Variants in ZBTB38 observed in about 807,000 individuals in gnomAD.
The protein encoded by ZBTB38 is zinc finger and BTB domain containing 38, also known as zinc finger and BTB domain-containing protein 38.
A neutral mutation model predicts 76.8 loss-of-function variants in ZBTB38; 20 were observed. That is an observed-to-expected ratio of 0.26 (90% CI 0.18 to 0.38). ZBTB38 has a LOEUF of 0.38. Ranked by LOEUF, ZBTB38 falls within the 10% of genes least tolerant of loss-of-function variation. The pLI is 1.00. For synonymous variants in ZBTB38, 504 were observed against 544.2 expected (o/e 0.93, Z 1.03); for missense variants, 1,082 against 1,482.3 (o/e 0.73, Z 4.43).
intron 1 of ZBTB38, among the ~76,000 whole-genome samples, chr3:141,331,553 T>G (rs1942853153): frequency 1.3e-5 from 2 of 152,242 alleles, no homozygotes; most frequent in Non-Finnish European, 2.9e-5. Flanking sequence ...TTTTTTGTTT[T>G]TTTTTTATTG....
chr3:141,430,914 A>G (rs2077354407), intron 5 of ZBTB38, among the ~76,000 whole-genome samples: 1 of 152,142 alleles, frequency 6.6e-6, no homozygotes, highest in Non-Finnish European at 1.5e-5. Flanking sequence ...TTTTGAAACC[A>G]ATTCTTGATA....
chr3:141,342,259 A>C (rs1943219632), intron 1 of ZBTB38, among the ~76,000 whole-genome samples: 2 of 152,102 alleles, frequency 1.3e-5, no homozygotes, highest in South Asian at 2.1e-4. Context: ...CGGGAGGCAG[A>C]GGTTGCAGTG....
intron 5 of ZBTB38, among the ~76,000 whole-genome samples, chr3:141,435,271 T>G (rs1226677708): frequency 1.3e-5 from 2 of 152,228 alleles, no homozygotes; most frequent in African/African-American, 4.8e-5. Flanking sequence ...TGTATACCTA[T>G]TTCCCTGGCA....
chr3:141,393,856 A>T (rs1053826608), intron 4 of ZBTB38, among the ~76,000 whole-genome samples: 2 of 152,130 alleles, frequency 1.3e-5, no homozygotes, highest in Non-Finnish European at 2.9e-5. Flanking sequence ...GGGTGCTATG[A>T]TGTACTCTCT....
intron 1 of ZBTB38, among the ~76,000 whole-genome samples, chr3:141,359,860 G>A (rs1943769143): frequency 6.6e-6 from 1 of 152,130 alleles, no homozygotes; most frequent in African/African-American, 2.4e-5. Flanking sequence ...GAGCCCTGAA[G>A]GTTGAGGTTG....
Position 141,369,935 on chromosome 3 carries a change from A to G in ZBTB38, c.-246A>G, listed in dbSNP as rs971079547. 2.6e-5 allele frequency: 4 copies of G among 152,200 alleles called. No homozygotes were observed. Among genetic ancestry groups the G allele is most frequent in the African/African-American group, 9.7e-5 (4 of 41,436 alleles). The allele number at this position is 152,200 out of a possible 1,614,324, so 9.4% of individuals were successfully genotyped here. A position where few individuals can be genotyped will look rare whatever the true frequency, so the allele number is the denominator to read the frequency against. On this transcript the variant is annotated 5_prime_UTR_variant, in exon 2 of 6. It removes the in-frame stop codon of an upstream open reading frame in the 5' UTR. Transcript: ENST00000321464. ...CTGGCTCTAAGATCTGAATGTTGTG[A>G]CCACTAATTTGGTAAGTGTCATTTG...
intron 4 of ZBTB38, among the ~76,000 whole-genome samples, chr3:141,392,324 G>C (rs546986414): frequency 1.8e-4 from 27 of 152,292 alleles, no homozygotes; most frequent in Admixed American, 6.5e-4. Context: ...TTACTTCTTT[G>C]AGCATTTGTT....
At chr3:141,420,002 TGCAAATGGTACAAG>T (rs2075000711) in intron 5 of ZBTB38, among the ~76,000 whole-genome samples, 1 of 152,130 alleles carries the variant, frequency 6.6e-6, no homozygotes, top group Admixed American at 6.5e-5. Context: ...AAAAGTGATT[TGCAAATGGTACAAG>T]GCTACACAGG....
intron 1 of ZBTB38, among the ~76,000 whole-genome samples, chr3:141,339,319 G>C (rs2148900238): frequency 6.6e-6 from 1 of 152,318 alleles, no homozygotes; most frequent in Admixed American, 6.5e-5. Flanking sequence ...AACTCCACGG[G>C]TTGATTCTGA....
In ZBTB38 at chr3:141,442,998, G is replaced by A; in HGVS notation, c.610G>A (p.Glu204Lys). The change falls in exon 6 of 6, where the codon GAG (glutamate) becomes AAG (lysine). Residue 204 changes from glutamate to lysine, a missense_variant. Glu to Lys is a moderately conservative substitution (Grantham distance 56). This residue lies in a region of ZBTB38 where 324 missense variants were observed against 359.1 expected (regional missense o/e 0.90). Coordinates refer to ENST00000321464, the MANE Select transcript of ZBTB38 (RefSeq NM_001376113.1). This position sits in a 1 kb window ranked among gnomAD's most constrained non-coding sequence, Gnocchi z 6.4. ...CATGAGAACAGCTAGCCTTTGCCTG[G>A]AGAGGACGGACGTCTGCCACGAGGC... ...DSMRTASLCL[E>K]RTDVCHEAEP... 1 of 1,614,236 alleles carries A rather than the reference G, an allele frequency of 6.2e-7. No homozygotes were observed. The highest frequency in any genetic ancestry group is 8.5e-7 in the Non-Finnish European group (1 of 1,180,034).
At chr3:141,372,100 G>T (rs533407804) in intron 2 of ZBTB38, among the ~76,000 whole-genome samples, 1 of 152,190 alleles carries the variant, frequency 6.6e-6, no homozygotes, top group South Asian at 2.1e-4. Context: ...GGGGATACCT[G>T]TTACTGGCCA....
intron 5 of ZBTB38, among the ~76,000 whole-genome samples, chr3:141,422,377 A>G (rs1284299274): frequency 6.6e-6 from 1 of 152,194 alleles, no homozygotes; most frequent in Admixed American, 6.5e-5. Context: ...CTCTCAGAGC[A>G]TAAGTCACCT....
chr3:141,445,827 C>A lies in ZBTB38; in HGVS notation c.3439C>A (p.His1147Asn). The A allele has an allele frequency of 6.2e-7, 1 of 1,614,124 alleles. No homozygotes were observed. Among genetic ancestry groups the A allele is most frequent in the Non-Finnish European group, 8.5e-7 (1 of 1,180,036 alleles). ...AAALGMHQKKHLFKSPSQQEK... is the reference protein window; with the variant it reads ...AAALGMHQKKNLFKSPSQQEK... ...TGCCCTTGGAATGCACCAAAAGAAA[C>A]ACTTATTCAAAAGCCCAAGTCAGCA... Residue 1147 changes from histidine (H) to asparagine (N), a missense_variant, in exon 6 of 6, where the codon CAC becomes AAC. This residue lies in a region of ZBTB38 where 69 missense variants were observed against 148.2 expected (regional missense o/e 0.47). Transcript: ENST00000321464. This position sits in a 1 kb window ranked among gnomAD's most constrained non-coding sequence, Gnocchi z 6.5.
rs1015663394 is a variant in ZBTB38 at position 141,369,947 on chromosome 3, G to C, written c.-235+1G>C. ...TCTGAATGTTGTGACCACTAATTTG[G>C]TAAGTGTCATTTGTCCCCAACAGCT... On this transcript the variant is annotated splice_donor_variant, in intron 2 of 5. Coordinates refer to ENST00000321464, the MANE Select transcript of ZBTB38 (RefSeq NM_001376113.1). LOFTEE classifies it low-confidence loss of function (5UTR_SPLICE). 1 of 152,158 alleles carries C rather than the reference G, an allele frequency of 6.6e-6. No homozygotes were observed. Among genetic ancestry groups the C allele is most frequent in the African/African-American group, 2.4e-5 (1 of 41,424 alleles). The allele number at this position is 152,158 out of a possible 1,614,324, so 9.4% of individuals were successfully genotyped here.
chr3:141,349,736 A>T (rs1943465956), intron 1 of ZBTB38, among the ~76,000 whole-genome samples: 1 of 152,290 alleles, frequency 6.6e-6, no homozygotes, highest in East Asian at 1.9e-4. Flanking sequence ...TCTCAAAAAA[A>T]TAAATAAAAA....
At chr3:141,373,118 C>G (rs567958866) in intron 2 of ZBTB38, among the ~76,000 whole-genome samples, 1 of 152,286 alleles carries the variant, frequency 6.6e-6, no homozygotes, top group East Asian at 1.9e-4. Context: ...GCTGAGTGAC[C>G]TCACAGACAA....
chr3:141,409,482 CAG>C (rs1474996672), intron 5 of ZBTB38, among the ~76,000 whole-genome samples: 1 of 152,190 alleles, frequency 6.6e-6, no homozygotes, highest in Non-Finnish European at 1.5e-5. Context: ...CTGAGAGGCT[CAG>C]AGATCCTCAT....
intron 3 of ZBTB38, among the ~76,000 whole-genome samples, chr3:141,384,040 T>C (rs929181624): frequency 6.6e-6 from 1 of 152,276 alleles, no homozygotes; most frequent in African/African-American, 2.4e-5. Flanking sequence ...TGAGAATGTC[T>C]GCCTAAACAA....
intron 5 of ZBTB38, among the ~76,000 whole-genome samples, chr3:141,411,809 A>G (rs1956762928): frequency 6.6e-6 from 1 of 152,162 alleles, no homozygotes; most frequent in African/African-American, 2.4e-5. Context: ...AAGCACCATA[A>G]ATTACCTAAA....
Sources: gnomAD v4.1 joint callset for allele counts (sites outside exome capture counted in the v4.1 genomes callset) on GRCh38, gnomAD v4.1.1 for gene constraint, gnomAD v4.1.1 regional missense constraint, Gnocchi (gnomAD v3.1) non-coding constraint, MANE v1.5 for transcripts, NCBI Gene and HGNC (gene_info 2026-07-23, HGNC 2026-07-21) for gene names.